Variants in DGKZ observed in about 807,000 individuals in gnomAD.
DGKZ encodes diacylglycerol kinase zeta, also known as DAG kinase zeta.
A neutral mutation model predicts 142.5 loss-of-function variants in DGKZ; 45 were observed. The ratio of observed to expected loss-of-function variants is 0.32; its 90% CI spans 0.25 to 0.40. The LOEUF (loss-of-function observed/expected upper bound fraction) is 0.40, where lower values mean the gene tolerates loss of function less well. Ranked by LOEUF, DGKZ falls within the 10% of genes least tolerant of loss-of-function variation. The pLI, the probability that DGKZ is intolerant of heterozygous loss-of-function variation, is 1.00. For missense variants in DGKZ, 755 were observed against 1,306.5 expected (o/e 0.58, Z 6.51); for synonymous variants, 442 against 527.0 (o/e 0.84, Z 2.21).
At chr11:46,341,295 G>A (rs1940265618) in intron 1 of DGKZ, among the ~76,000 whole-genome samples, 1 of 152,168 alleles carries the variant, frequency 6.6e-6, no homozygotes, top group African/African-American at 2.4e-5. Flanking sequence ...ACCCAGCACT[G>A]AGCTAGGAGC....
chr11:46,380,015 C>G, exon 31 of DGKZ: 2 of 1,437,870 alleles, frequency 1.4e-6, no homozygotes. Context: ...GCCCACCTCA[C>G]TGCCACATTC....
intron 1 of DGKZ, chr11:46,366,339 T>C (rs545112162): frequency 3.9e-6 from 6 of 1,557,546 alleles, no homozygotes; most frequent in Non-Finnish European, 5.2e-6. Context: ...AGCGTGGGGC[T>C]GCCCACAGGC....
intron 20 of DGKZ, 96 bp from the exon 21 acceptor site, chr11:46,375,755 C>CG: frequency 6.6e-7 from 1 of 1,505,308 alleles, no homozygotes; most frequent in Non-Finnish European, 8.9e-7. Context: ...GGGAGTGGAG[C>CG]GGGACCTTCT....
intron 1 of DGKZ, chr11:46,364,926 C>T (rs1304245999): frequency 2.0e-6 from 2 of 985,342 alleles, no homozygotes; most frequent in Admixed American, 1.2e-4. Context: ...CCCCACCAGT[C>T]TCTCCCCAGG....
At position 46,367,043 on chromosome 11, in the gene DGKZ, G is replaced by A; in HGVS notation, c.162-248G>A. 3.4e-6 allele frequency: 5 copies of A among 1,471,242 alleles called. No homozygotes were observed. Among genetic ancestry groups the A allele is most frequent in the Non-Finnish European group, 4.5e-6 (5 of 1,113,464 alleles). 91.1% of individuals were successfully genotyped at this position (1,471,242 alleles called of 1,614,324 possible). ...GTGACCTCCTGTGGGTCTGGCCTGG[G>A]CATGGGCCTTGAAGCTCTGCCTGGC... On this transcript the variant is annotated intron_variant, in intron 1 of 30. Transcript: ENST00000527911. The surrounding 1 kb of genome is among the most constrained non-coding windows in gnomAD (Gnocchi z 4.1).
At chr11:46,376,874 C>T (rs1161982092) in intron 24 of DGKZ, 199 bp from the exon 25 acceptor site, 4 of 644,486 alleles carry the variant, frequency 6.2e-6, no homozygotes, top group Non-Finnish European at 1.1e-5. Flanking sequence ...GGCGCCAGCT[C>T]ACCTGGTAAA....
At chr11:46,374,262 G>T in intron 15 of DGKZ, 27 bp downstream of exon 15, 1 of 1,613,642 alleles carries the variant, frequency 6.2e-7, no homozygotes. Context: ...TGAGGCCAGG[G>T]CAGGGTGGGC....
exon 1 of DGKZ, chr11:46,333,464 C>T (rs1285914165): frequency 1.3e-6 from 2 of 1,538,452 alleles, no homozygotes; most frequent in Non-Finnish European, 1.7e-6. Context: ...GCCAGCTGCA[C>T]CTACGAAAGC....
chr11:46,371,893 T>C, intron 9 of DGKZ, 118 bp downstream of exon 9: 2 of 1,339,948 alleles, frequency 1.5e-6, no homozygotes, highest in Non-Finnish European at 2.1e-6. Context: ...GTGTGGGCTC[T>C]GGGGCCTCTG....
chr11:46,379,596 C>T (rs1445460342), intron 30 of DGKZ, 28 bp downstream of exon 30: 8 of 1,571,800 alleles, frequency 5.1e-6, no homozygotes, highest in African/African-American at 2.7e-5. Flanking sequence ...AGGGAGCCCA[C>T]GAGGGCACCA....
intron 24 of DGKZ, chr11:46,376,800 G>C (rs1262611917): frequency 1.5e-6 from 1 of 665,884 alleles, no homozygotes; most frequent in Non-Finnish European, 2.5e-6. Context: ...CTTGCTGGGT[G>C]GGTAGGAGGG....
chr11:46,333,258 G>C, exon 1 of DGKZ: 1 of 1,248,296 alleles, frequency 8.0e-7, no homozygotes, highest in Non-Finnish European at 1.0e-6. Flanking sequence ...GGAGCCGCGG[G>C]CGGAAGGCGG....
chr11:46,347,191 A>G (rs1001001891), upstream of DGKZ, among the ~76,000 whole-genome samples: 1 of 152,088 alleles, frequency 6.6e-6, no homozygotes, highest in Non-Finnish European at 1.5e-5. The surrounding 1 kb of genome is among the most constrained non-coding windows in gnomAD (Gnocchi z 6.4). Context: ...CGGGGGAGGA[A>G]AGATGCGCGT....
At chr11:46,345,425 G>C (rs1190296232), upstream of DGKZ, 5 of 1,450,820 alleles carry the variant, frequency 3.4e-6, no homozygotes, top group Non-Finnish European at 3.6e-6. This position sits in a 1 kb window ranked among gnomAD's most constrained non-coding sequence, Gnocchi z 4.1. Flanking sequence ...CGCACCGGGG[G>C]CTGGCCACAG....
intron 1 of DGKZ, among the ~76,000 whole-genome samples, chr11:46,349,293 ACCCAGCTCTGCAGGATGTAGCCTC>A (rs1220920850): frequency 1.3e-5 from 2 of 152,142 alleles, no homozygotes; most frequent in African/African-American, 4.8e-5. Flanking sequence ...AGCAGTTTAC[ACCCAGCTCTGCAGGATGTAGCCTC>A]CAGTATTCAC....
At chr11:46,368,252 A>G (rs1323728272) in intron 4 of DGKZ, 173 bp downstream of exon 4, 3 of 717,236 alleles carry the variant, frequency 4.2e-6, no homozygotes, top group Non-Finnish European at 7.5e-6. Flanking sequence ...CTGGCTCCTC[A>G]CTGATTAGCT....
At position 46,372,902 on chromosome 11, in the gene DGKZ, G is replaced by T. The variant is rs1009838987; in HGVS notation, c.1185+18G>T. On this transcript the variant is annotated intron_variant, in intron 13 of 30. Coordinates refer to ENST00000527911, the Ensembl canonical transcript of DGKZ. The surrounding 1 kb of genome is among the most constrained non-coding windows in gnomAD (Gnocchi z 5.9). ...GGGGTGGGGTAAGCACCCATAGGAG[G>T]GGGGTGCAGCTGGGGCCTCTCCAGC... 25 of 1,565,262 alleles carry T rather than the reference G, an allele frequency of 1.6e-5. No homozygotes were observed. The highest frequency in any genetic ancestry group is 1.9e-5 in the Non-Finnish European group (22 of 1,154,870).
At chr11:46,371,279 T>A (rs780538129) in intron 6 of DGKZ, 34 bp from the exon 7 acceptor site, 1 of 1,606,458 alleles carries the variant, frequency 6.2e-7, no homozygotes, top group South Asian at 1.1e-5. Context: ...GCTCCACGCC[T>A]GCCCTGGTTC....
At chr11:46,366,533 ACT>A in intron 1 of DGKZ, 1 of 1,597,342 alleles carries the variant, frequency 6.3e-7, no homozygotes. Flanking sequence ...TAAGGTGCTC[ACT>A]CCACAGCCTA....
Sources: gnomAD v4.1 joint callset for allele counts (sites outside exome capture counted in the v4.1 genomes callset) on GRCh38, gnomAD v4.1.1 for gene constraint, Gnocchi (gnomAD v3.1) non-coding constraint, MANE v1.5 for transcripts, NCBI Gene and HGNC (gene_info 2026-07-23, HGNC 2026-07-21) for gene names.